The following FRMD4B variants were observed in gnomAD, a reference collection of about 807,000 sequenced individuals.
FRMD4B encodes the protein FERM domain-containing protein 4B.
In FRMD4B, 74 loss-of-function variants were observed where a neutral mutation model predicts 141.5. That is an observed-to-expected ratio of 0.52 (90% CI 0.43 to 0.63). The LOEUF is 0.63. Among genes scored for constraint, FRMD4B ranks in the 30% least tolerant of loss-of-function variants. The pLI is 0.00. For missense variants in FRMD4B, 1,366 were observed against 1,253.4 expected (o/e 1.09, Z -1.36); for synonymous variants, 506 against 467.9 (o/e 1.08, Z -1.05).
chr3:69,512,618 T>C (rs1178019437), intron 1 of FRMD4B, among the ~76,000 whole-genome samples: 3 of 152,266 alleles, frequency 2.0e-5, no homozygotes, highest in East Asian at 1.9e-4. Flanking sequence ...TTGCTCCAGA[T>C]ATTATTATTT....
chr3:69,513,378 C>A (rs892668870), intron 1 of FRMD4B, among the ~76,000 whole-genome samples: 1 of 152,000 alleles, frequency 6.6e-6, no homozygotes, highest in African/African-American at 2.4e-5. Context: ...CTGAACAGAC[C>A]CGTAACTAAT....
At chr3:69,441,474 CAG>C (rs1415287783) in intron 1 of FRMD4B, among the ~76,000 whole-genome samples, 1 of 152,184 alleles carries the variant, frequency 6.6e-6, no homozygotes, top group Non-Finnish European at 1.5e-5. Context: ...CCCTGCCCAC[CAG>C]AGAGTAGCCC....
chr3:69,394,658 C>A (rs1704445052), intron 2 of FRMD4B, among the ~76,000 whole-genome samples: 1 of 152,272 alleles, frequency 6.6e-6, no homozygotes, highest in Admixed American at 6.5e-5. Context: ...CCAGCAATCC[C>A]ATTACTGGGT....
At chr3:69,467,359 T>C (rs187954903) in intron 1 of FRMD4B, among the ~76,000 whole-genome samples, 45 of 152,356 alleles carry the variant, frequency 3.0e-4, no homozygotes, top group Non-Finnish European at 5.7e-4. Flanking sequence ...CATCTGCCTC[T>C]TAAAATCCAT....
intron 1 of FRMD4B, among the ~76,000 whole-genome samples, chr3:69,371,215 G>C (rs1023913560): frequency 6.6e-6 from 1 of 152,172 alleles, no homozygotes; most frequent in Non-Finnish European, 1.5e-5. Context: ...ACAACATTCT[G>C]TGGGCTACAA....
chr3:69,294,174 C>A (rs1341998287), intron 4 of FRMD4B, among the ~76,000 whole-genome samples: 1 of 152,142 alleles, frequency 6.6e-6, no homozygotes, highest in Non-Finnish European at 1.5e-5. Context: ...CCAGTGAGGG[C>A]TAAATCAAAA....
chr3:69,227,188 T>C (rs774154041), intron 7 of FRMD4B, among the ~76,000 whole-genome samples: 4 of 152,224 alleles, frequency 2.6e-5, no homozygotes, highest in Admixed American at 6.5e-5. Flanking sequence ...TTAGAAATTC[T>C]GGCTGAATAA....
chr3:69,172,438 C>T (rs2107556935), intron 22 of FRMD4B, among the ~76,000 whole-genome samples: 1 of 152,262 alleles, frequency 6.6e-6, no homozygotes, highest in East Asian at 1.9e-4. Context: ...GCTTTACCAT[C>T]CTGCTAGTTC....
Position 69,171,738 on chromosome 3 carries a change from T to A in FRMD4B, c.*123A>T. 1.1e-6 allele frequency: 1 copy of A among 907,620 alleles called. No homozygotes were observed. The highest frequency in any genetic ancestry group is 1.7e-6 in the Non-Finnish European group (1 of 582,828). 56.2% of individuals were successfully genotyped at this position (907,620 alleles called of 1,614,324 possible). A position where few individuals can be genotyped will look rare whatever the true frequency, so the allele number is the denominator to read the frequency against. On this transcript the variant is annotated 3_prime_UTR_variant, in exon 23 of 23. Transcript: ENST00000398540. ...CTGATTCACTTCCAGGGCAACTAAG[T>A]CTTCTCTTCAACCTTTGATGTCTTT... is the stretch of plus-strand genomic sequence containing the variant.
chr3:69,528,437 T>A (rs1357185002), intron 1 of FRMD4B, among the ~76,000 whole-genome samples: 1 of 152,112 alleles, frequency 6.6e-6, no homozygotes, highest in African/African-American at 2.4e-5. Context: ...CAATCCTGGC[T>A]TACTGCAGCC....
intron 4 of FRMD4B, among the ~76,000 whole-genome samples, chr3:69,288,472 C>A (rs1276094869): frequency 6.6e-6 from 1 of 152,260 alleles, no homozygotes; most frequent in African/African-American, 2.4e-5. Context: ...GGCCTCACTG[C>A]CCCACTCCCT....
intron 3 of FRMD4B, among the ~76,000 whole-genome samples, chr3:69,309,160 A>G (rs548970693): frequency 6.6e-5 from 10 of 152,038 alleles, no homozygotes; most frequent in African/African-American, 1.7e-4. Context: ...TTCTTGCTCT[A>G]TTGCCTAGGC....
At chr3:69,409,943 C>G (rs944556097) in intron 2 of FRMD4B, among the ~76,000 whole-genome samples, 1 of 152,154 alleles carries the variant, frequency 6.6e-6, no homozygotes, top group African/African-American at 2.4e-5. Flanking sequence ...ATAAGCAGCT[C>G]TTATGGTTTA....
At position 69,195,090 on chromosome 3, in the gene FRMD4B, G is replaced by C; in HGVS notation, c.1420C>G (p.Pro474Ala). Residue 474 changes from proline (P) to alanine (A), a missense_variant, in exon 16 of 23, where the codon CCT becomes GCT. Transcript: ENST00000398540. ...CCCACACGTCTTCTGACCTGAGGAG[G>C]CTTCTCGCCTATGTTCAGGGGATAC... The part of the protein sequence containing the change: ...KEYPLNIGEK[P>A]PQVRRRVGTA... 1 of 1,613,688 alleles carries C rather than the reference G, an allele frequency of 6.2e-7. No homozygotes were observed. The highest frequency in any genetic ancestry group is 8.5e-7 in the Non-Finnish European group (1 of 1,179,604).
At chr3:69,250,242 G>A (rs562222959) in intron 5 of FRMD4B, 143 bp from the exon 6 acceptor site, 1 of 718,744 alleles carries the variant, frequency 1.4e-6, no homozygotes, top group Non-Finnish European at 2.5e-6. Flanking sequence ...GGGAAAGTGG[G>A]GGGTGTGGAG....
chr3:69,349,470 A>T (rs542708042), intron 1 of FRMD4B, among the ~76,000 whole-genome samples: 1 of 152,164 alleles, frequency 6.6e-6, no homozygotes, highest in African/African-American at 2.4e-5. Flanking sequence ...TTGGAAAAAA[A>T]TACTTTAAAG....
intron 11 of FRMD4B, among the ~76,000 whole-genome samples, chr3:69,214,516 C>T (rs1308755752): frequency 2.0e-5 from 3 of 152,088 alleles, no homozygotes; most frequent in African/African-American, 4.8e-5. Flanking sequence ...ATGGATTCTT[C>T]AACTCTAATA....
rs548604787 is a variant in FRMD4B at position 69,205,364 on chromosome 3, A to G, written c.877-6590T>C. 7.2e-5 allele frequency among the ~76,000 whole-genome samples: 11 copies of G among 152,022 alleles called. No homozygotes were observed. The East Asian group carries it at 1.2e-3, about 16-fold the overall frequency. On this transcript the variant is annotated intron_variant, in intron 11 of 22. Transcript: ENST00000398540. ...CTGTTTATTTCATTGGGGGTATTTC[A>G]CTGGAGGCTAATTTTTTAATTTCTT...
chr3:69,232,858 G>A (rs1450110014), intron 7 of FRMD4B, among the ~76,000 whole-genome samples: 4 of 146,922 alleles, frequency 2.7e-5, no homozygotes, highest in South Asian at 2.1e-4. Flanking sequence ...TTGTAGAACA[G>A]CTTAAAAAAA....
Sources: gnomAD v4.1 joint callset for allele counts (sites outside exome capture counted in the v4.1 genomes callset) on GRCh38, gnomAD v4.1.1 for gene constraint, MANE v1.5 for transcripts, NCBI Gene and HGNC (gene_info 2026-07-23, HGNC 2026-07-21) for gene names.